HIPK2: variants seen among roughly 807,000 people sequenced by gnomAD.
The protein encoded by HIPK2 is homeodomain-interacting protein kinase 2.
HIPK2 carries 27 observed loss-of-function variants against 113.7 expected under a neutral mutation model. The observed-to-expected ratio is 0.24, with a 90% CI of 0.17 to 0.33. The LOEUF is 0.33. Among genes scored for constraint, HIPK2 ranks in the 10% least tolerant of loss-of-function variants. HIPK2 has a pLI of 1.00. For missense variants in HIPK2, 1,257 were observed against 1,588.0 expected (o/e 0.79, Z 3.54); for synonymous variants, 631 against 642.2 (o/e 0.98, Z 0.26).
chr7:139,657,085 G>A (rs1244448992), intron 2 of HIPK2, among the ~76,000 whole-genome samples: 1 of 152,166 alleles, frequency 6.6e-6, no homozygotes, highest in Non-Finnish European at 1.5e-5. Flanking sequence ...TGGCCAGGCT[G>A]GTCTCGAACT....
chr7:139,738,669 G>C (rs1334061611), intron 1 of HIPK2, among the ~76,000 whole-genome samples: 3 of 152,146 alleles, frequency 2.0e-5, no homozygotes, highest in South Asian at 2.1e-4. Context: ...AAACAAATGG[G>C]GTGAAGTGAT....
rs769008284 is a variant in HIPK2, at chr7:139,716,373, G to A, written c.662C>T (p.Thr221Ile). The A allele has an allele frequency of 6.2e-7, 1 of 1,614,098 alleles. No homozygotes were observed. Residue 221 changes from threonine (T) to isoleucine (I), a missense_variant, in exon 2 of 15, where the codon ACC becomes ATC. Thr to Ile is a moderately conservative substitution (Grantham distance 89, BLOSUM62 -1). Coordinates refer to ENST00000406875, the MANE Select transcript of HIPK2 (RefSeq NM_022740.5). This position sits in a 1 kb window ranked among gnomAD's most constrained non-coding sequence, Gnocchi z 9.3. ...GQVVKCWKRG[T>I]NEIVAIKILK... ...GATCTTGATGGCTACGATCTCATTGGTGCCCCGTTTCCAGCACTTGACCAC... is the reference window on the plus strand; with the variant it reads ...GATCTTGATGGCTACGATCTCATTGATGCCCCGTTTCCAGCACTTGACCAC...
At chr7:139,657,397 T>C (rs761735610) in intron 2 of HIPK2, among the ~76,000 whole-genome samples, 6 of 152,190 alleles carry the variant, frequency 3.9e-5, no homozygotes, top group African/African-American at 1.4e-4. Flanking sequence ...TCAGACCTCG[T>C]CCATTCGATT....
intron 7 of HIPK2, among the ~76,000 whole-genome samples, chr7:139,618,650 T>A (rs918160338): frequency 6.6e-6 from 1 of 152,184 alleles, no homozygotes; most frequent in Non-Finnish European, 1.5e-5. Context: ...ACCAGCAAGA[T>A]GGCGGTGGCC....
chr7:139,612,256 A>G (rs1328298854), intron 9 of HIPK2, among the ~76,000 whole-genome samples: 1 of 152,214 alleles, frequency 6.6e-6, no homozygotes, highest in Non-Finnish European at 1.5e-5. Flanking sequence ...CTTCCATTTA[A>G]CAAGACAGGA....
intron 6 of HIPK2, among the ~76,000 whole-genome samples, chr7:139,623,517 CAAAAAAAAAA>C (rs771370297): frequency 4.0e-5 from 3 of 74,112 alleles, no homozygotes; most frequent in African/African-American, 3.7e-5. Flanking sequence ...GACTCTACTT[CAAAAAAAAAA>C]AAAAAAAAAA....
chr7:139,756,720 C>T (rs1796369196), intron 1 of HIPK2, among the ~76,000 whole-genome samples: 2 of 152,330 alleles, frequency 1.3e-5, no homozygotes, highest in East Asian at 3.9e-4. Flanking sequence ...CCACCGCATC[C>T]AGTCAGACTT....
intron 2 of HIPK2, among the ~76,000 whole-genome samples, chr7:139,702,832 T>C (rs897464308): frequency 0.2 from 29,869 of 152,148 alleles, 3,255 homozygotes; most frequent in African/African-American, 0.3. Context: ...CATAATAGTT[T>C]GTCACTTCTC....
At chr7:139,579,710 C>T (rs1997013) in intron 13 of HIPK2, among the ~76,000 whole-genome samples, 18,677 of 151,676 alleles carry the variant, frequency 0.12, 1,335 homozygotes, top group African/African-American at 0.19. Context: ...CTTCCTGACC[C>T]CAAAACTCAG....
Position 139,631,490 on chromosome 7 carries a change from C to A in HIPK2, c.1227+112G>T. ...AAGGGAAGCAAGGTTTGGGAGACAA[C>A]GTGACATTCCACAGTCCCGCCCATT... On this transcript the variant is annotated intron_variant, in intron 3 of 14. Coordinates refer to ENST00000406875, the MANE Select transcript of HIPK2 (RefSeq NM_022740.5). This position sits in a 1 kb window ranked among gnomAD's most constrained non-coding sequence, Gnocchi z 4.9. The A allele has an allele frequency of 1.3e-6, 2 of 1,485,372 alleles. No homozygotes were observed. Among genetic ancestry groups the A allele is most frequent in the South Asian group, 1.4e-5 (1 of 71,496 alleles). 92.0% of individuals were successfully genotyped at this position (1,485,372 alleles called of 1,614,324 possible).
chr7:139,637,940 C>T (rs1026923823), intron 2 of HIPK2, among the ~76,000 whole-genome samples: 1 of 152,064 alleles, frequency 6.6e-6, no homozygotes, highest in African/African-American at 2.4e-5. Context: ...AGCAGGAGTG[C>T]CAAGGACACC....
chr7:139,621,484 G>T (rs1800231228), intron 6 of HIPK2, among the ~76,000 whole-genome samples: 1 of 152,220 alleles, frequency 6.6e-6, no homozygotes, highest in Non-Finnish European at 1.5e-5. Flanking sequence ...GCTGAAACCA[G>T]CATCAGGGAA....
At chr7:139,687,555 G>A (rs1310110070) in intron 2 of HIPK2, among the ~76,000 whole-genome samples, 10 of 152,164 alleles carry the variant, frequency 6.6e-5, no homozygotes, top group Non-Finnish European at 1.5e-4. Context: ...TGTTGCTTAA[G>A]AATTTTGGTT....
rs575295862 is a variant in HIPK2 at position 139,563,674 on chromosome 7, T to C, written c.*9253A>G. On this transcript the variant is annotated 3_prime_UTR_variant, in exon 15 of 15. Transcript: ENST00000406875. ...CCACACAAACAGGAAAGTGGGAGTA[T>C]GATTAGGAGGGGTGAGATGAAAACT... 2.5e-6 allele frequency: 1 copy of C among 396,514 alleles called. No homozygotes were observed. Among genetic ancestry groups the C allele is most frequent in the Non-Finnish European group, 4.4e-6 (1 of 225,474 alleles). 24.6% of individuals were successfully genotyped at this position (396,514 alleles called of 1,614,324 possible). A position where few individuals can be genotyped will look rare whatever the true frequency, so the allele number is the denominator to read the frequency against.
At chr7:139,663,886 C>T (rs1336650522) in intron 2 of HIPK2, among the ~76,000 whole-genome samples, 5 of 152,224 alleles carry the variant, frequency 3.3e-5, no homozygotes, top group African/African-American at 7.2e-5. Flanking sequence ...TGCCGGCCCA[C>T]GAGTCTTCCT....
At chr7:139,597,028 G>C (rs1310146841) in intron 11 of HIPK2, 30 bp from the exon 12 acceptor site, 1 of 1,566,542 alleles carries the variant, frequency 6.4e-7, no homozygotes, top group Non-Finnish European at 8.7e-7. Context: ...CTCTCACACA[G>C]AGGAAGGTCA....
At chr7:139,711,153 C>A (rs1395174987) in intron 2 of HIPK2, among the ~76,000 whole-genome samples, 3 of 151,896 alleles carry the variant, frequency 2.0e-5, no homozygotes, top group Non-Finnish European at 4.4e-5. Context: ...AAAGGCTGGG[C>A]GTGGTGGCTC....
intron 11 of HIPK2, 23 bp from the exon 12 acceptor site, chr7:139,597,021 TCACA>T: frequency 6.4e-7 from 1 of 1,574,354 alleles, no homozygotes; most frequent in East Asian, 2.3e-5. Flanking sequence ...AACCACACTC[TCACA>T]CAGAGGAAGG....
At chr7:139,573,654 C>T (rs1798389479) in intron 14 of HIPK2, among the ~76,000 whole-genome samples, 1 of 151,984 alleles carries the variant, frequency 6.6e-6, no homozygotes, top group Non-Finnish European at 1.5e-5. Flanking sequence ...CCAGCCTGGC[C>T]AATATGGTGA....
Sources: allele counts gnomAD v4.1 joint callset (sites outside exome capture counted in the v4.1 genomes callset), GRCh38; gene constraint gnomAD v4.1.1; non-coding constraint Gnocchi (gnomAD v3.1); transcripts MANE v1.5; gene names NCBI Gene and HGNC (gene_info 2026-07-23, HGNC 2026-07-21).